GPC6: variants seen among roughly 807,000 people sequenced by gnomAD.
GPC6 encodes the protein glypican-6.
GPC6 carries 14 observed loss-of-function variants against 55.2 expected under a neutral mutation model. The ratio of observed to expected loss-of-function variants is 0.25; its 90% CI spans 0.17 to 0.40. GPC6 has a LOEUF of 0.40. Among genes scored for constraint, GPC6 ranks in the 10% least tolerant of loss-of-function variants. The probability of loss-of-function intolerance (pLI) is 1.00; values close to 1 mark genes in which losing one functional copy is unlikely to be tolerated. For missense variants in GPC6, 641 were observed against 708.5 expected (o/e 0.90, Z 1.08); for synonymous variants, 278 against 259.6 (o/e 1.07, Z -0.68).
At chr13:93,244,722 G>A (rs1594049607) in intron 1 of GPC6, among the ~76,000 whole-genome samples, 1 of 152,152 alleles carries the variant, frequency 6.6e-6, no homozygotes, top group Admixed American at 6.5e-5. Context: ...CCCCTTTCAC[G>A]CTCCAAAGAC....
chr13:93,755,810 T>C (rs1470392623), intron 2 of GPC6, among the ~76,000 whole-genome samples: 2 of 152,172 alleles, frequency 1.3e-5, no homozygotes, highest in African/African-American at 4.8e-5. Context: ...ATAGAGTCTA[T>C]GACAGACATA....
At chr13:94,279,639 T>C (rs879278125) in intron 4 of GPC6, among the ~76,000 whole-genome samples, 2 of 152,150 alleles carry the variant, frequency 1.3e-5, no homozygotes, top group Non-Finnish European at 2.9e-5. Flanking sequence ...TCTCGTATGC[T>C]GTCTGTTTAT....
At chr13:93,490,526 T>TTTTA (rs1879941576) in intron 1 of GPC6, among the ~76,000 whole-genome samples, 1 of 145,492 alleles carries the variant, frequency 6.9e-6, no homozygotes, top group Non-Finnish European at 1.5e-5. Context: ...TTTTTTTTTT[T>TTTTA]TTATTATTAT....
chr13:93,565,803 T>C (rs764638537), intron 2 of GPC6, among the ~76,000 whole-genome samples: 29 of 152,056 alleles, frequency 1.9e-4, no homozygotes, highest in Admixed American at 8.5e-4. Flanking sequence ...GTGCCTGTAA[T>C]CCCAGCTACT....
chr13:93,671,912 C>T (rs746610917), intron 2 of GPC6, among the ~76,000 whole-genome samples: 11 of 151,872 alleles, frequency 7.2e-5, no homozygotes, highest in Non-Finnish European at 1.3e-4. Flanking sequence ...CAGGCCAGTG[C>T]GGGGACACTA....
chr13:93,833,602 T>C (rs1175001334), intron 3 of GPC6, among the ~76,000 whole-genome samples: 1 of 152,108 alleles, frequency 6.6e-6, no homozygotes, highest in African/African-American at 2.4e-5. Flanking sequence ...TCTCTCTACA[T>C]TTATGGTGAC....
chr13:93,563,659 T>G (rs1244115840), intron 2 of GPC6, among the ~76,000 whole-genome samples: 5 of 151,630 alleles, frequency 3.3e-5, no homozygotes, highest in Admixed American at 3.3e-4. Flanking sequence ...GTAGCAAGTA[T>G]AGCATTTGAA....
At chr13:93,604,065 C>T (rs1275346796) in intron 2 of GPC6, among the ~76,000 whole-genome samples, 1 of 152,180 alleles carries the variant, frequency 6.6e-6, no homozygotes, top group Non-Finnish European at 1.5e-5. Flanking sequence ...CTTCCAAGAA[C>T]CTCAAATGGA....
At chr13:94,178,506 A>G (rs1296168125) in intron 4 of GPC6, among the ~76,000 whole-genome samples, 1 of 152,224 alleles carries the variant, frequency 6.6e-6, no homozygotes, top group Non-Finnish European at 1.5e-5. Flanking sequence ...AAAAGGAAAT[A>G]CACTAGACTA....
chr13:93,652,820 ATGTT>A (rs1206349223), intron 2 of GPC6, among the ~76,000 whole-genome samples: 9 of 152,204 alleles, frequency 5.9e-5, no homozygotes, highest in Non-Finnish European at 1.0e-4. Flanking sequence ...GAGACTTTGA[ATGTT>A]ACATTTTGTC....
At chr13:94,287,122 C>T (rs113310197) in intron 5 of GPC6, among the ~76,000 whole-genome samples, 1 of 152,118 alleles carries the variant, frequency 6.6e-6, no homozygotes, top group Admixed American at 6.5e-5. Flanking sequence ...TGAAGATAAA[C>T]AGGACCCGCC....
intron 1 of GPC6, among the ~76,000 whole-genome samples, chr13:93,460,776 A>T (rs1566369283): frequency 6.6e-6 from 1 of 151,868 alleles, no homozygotes; most frequent in African/African-American, 2.4e-5. Flanking sequence ...AACTAATATT[A>T]CCCCCCCATT....
chr13:93,730,681 C>T (rs1441302166), intron 2 of GPC6, among the ~76,000 whole-genome samples: 3 of 152,176 alleles, frequency 2.0e-5, no homozygotes, highest in African/African-American at 7.2e-5. Flanking sequence ...TTTTAGAGCA[C>T]ACTGAGTTAA....
chr13:93,724,318 T>C (rs11840361), intron 2 of GPC6, among the ~76,000 whole-genome samples: 1,894 of 152,072 alleles, frequency 0.012, 38 homozygotes, highest in African/African-American at 0.044. Flanking sequence ...TAAACAAAAT[T>C]AAAGCATGTA....
chr13:93,833,550 C>T (rs1349469614), intron 3 of GPC6, among the ~76,000 whole-genome samples: 2 of 140,994 alleles, frequency 1.4e-5, no homozygotes. Flanking sequence ...TAGCTTATCT[C>T]CTGCATCCTG....
chr13:94,368,664 T>A (rs955397344), intron 6 of GPC6, among the ~76,000 whole-genome samples: 1 of 149,934 alleles, frequency 6.7e-6, no homozygotes, highest in Non-Finnish European at 1.5e-5. Flanking sequence ...AAAAAAAAAA[T>A]ATTCTACCTG....
chr13:93,266,274 T>C (rs574184138), intron 1 of GPC6, among the ~76,000 whole-genome samples: 1 of 152,318 alleles, frequency 6.6e-6, no homozygotes, highest in South Asian at 2.1e-4. Flanking sequence ...TAATTTCTGG[T>C]TGTGAATTTT....
At chr13:93,782,247 C>T (rs1349904055) in intron 2 of GPC6, among the ~76,000 whole-genome samples, 1 of 152,092 alleles carries the variant, frequency 6.6e-6, no homozygotes, top group East Asian at 1.9e-4. Context: ...CATGTTGACC[C>T]ATAAATGACA....
At chr13:94,144,528 T>A (rs1359498212) in intron 4 of GPC6, among the ~76,000 whole-genome samples, 1 of 111,510 alleles carries the variant, frequency 9.0e-6, no homozygotes, top group Non-Finnish European at 1.8e-5. Flanking sequence ...AAAAGATCAT[T>A]CTTTGGGAGT....
Sources: allele counts gnomAD v4.1 joint callset (sites outside exome capture counted in the v4.1 genomes callset), GRCh38; gene constraint gnomAD v4.1.1; transcripts MANE v1.5; gene names NCBI Gene and HGNC (gene_info 2026-07-23, HGNC 2026-07-21).